The following CMC1 variants were observed in gnomAD, a reference collection of about 807,000 sequenced individuals.
The protein encoded by CMC1 is COX assembly mitochondrial protein homolog.
CMC1 carries 14 observed loss-of-function variants against 14.1 expected under a neutral mutation model. That is an observed-to-expected ratio of 0.99 (90% CI 0.66 to 1.55). CMC1 has a LOEUF of 1.55. CMC1 is among the 40% of genes most tolerant of loss of function. The pLI is 0.00. For missense variants in CMC1, 127 were observed against 123.8 expected, an observed-to-expected ratio of 1.03 and a Z score of -0.12; for synonymous variants, 50 against 38.4, an observed-to-expected ratio of 1.30 and a Z score of -1.12.
At chr3:28,311,515 A>C (rs757033366) in intron 2 of CMC1, among the ~76,000 whole-genome samples, 1 of 152,206 alleles carries the variant, frequency 6.6e-6, no homozygotes, top group African/African-American at 2.4e-5. Flanking sequence ...GTCATTAGAA[A>C]GAAGAGGACA....
chr3:28,272,524 A>G lies in CMC1; in HGVS notation c.109+9144A>G, dbSNP rs114720254. On this transcript the variant is annotated intron_variant, in intron 2 of 3. Coordinates refer to ENST00000466830, the MANE Select transcript of CMC1 (RefSeq NM_182523.2). ...TTCTGTTTACGTAATGAATTCGTTT[A>G]TTGATTTGCATGTGTTGAACCAGCC... 6.8e-3 allele frequency among the ~76,000 whole-genome samples: 1,039 copies of G among 152,184 alleles called. 12 individuals carry two copies. Among genetic ancestry groups the G allele is most frequent in the Admixed American group, 0.033 (500 of 15,290 alleles).
chr3:28,268,358 C>T (rs1217383242), intron 2 of CMC1, among the ~76,000 whole-genome samples: 2 of 152,174 alleles, frequency 1.3e-5, no homozygotes, highest in African/African-American at 4.8e-5. Flanking sequence ...CTGGTAGAGT[C>T]ACTCAGGGTG....
chr3:28,323,898 A>C lies in CMC1; in HGVS notation c.*4269A>C, dbSNP rs757880361. On this transcript the variant is annotated 3_prime_UTR_variant, in exon 4 of 4. Coordinates refer to ENST00000466830, the MANE Select transcript of CMC1 (RefSeq NM_182523.2). The stretch of plus-strand genomic sequence containing the variant: ...AACCAACTATGTTGGTTTTTGTACT[A>C]TTGTACAGTGTGTTCAAATATAGAT... 2.2e-5 allele frequency: 20 copies of C among 913,086 alleles called. No homozygotes were observed. The highest frequency in any genetic ancestry group is 3.1e-5 in the Non-Finnish European group (19 of 610,254). The allele number at this position is 913,086 out of a possible 1,614,324, so 56.6% of individuals were successfully genotyped here.
At position 28,303,749 on chromosome 3, in the gene CMC1, G is replaced by A. The variant is rs142559032; in HGVS notation, c.110-12584G>A. 7.6e-3 allele frequency among the ~76,000 whole-genome samples: 1,157 copies of A among 152,036 alleles called. 14 individuals carry two copies. Among genetic ancestry groups the A allele is most frequent in the African/African-American group, 0.026 (1,068 of 41,476 alleles). On this transcript the variant is annotated intron_variant, in intron 2 of 3. Coordinates refer to ENST00000466830, the MANE Select transcript of CMC1 (RefSeq NM_182523.2). Reference sequence around the variant, plus strand: ...AATTCACTTATTCAGCTATTTGTTCGATAAATATATATGAATATTTACAGT... The same window carrying A: ...AATTCACTTATTCAGCTATTTGTTCAATAAATATATATGAATATTTACAGT...
intron 1 of CMC1, among the ~76,000 whole-genome samples, chr3:28,256,400 C>CT (rs1024637028): frequency 6.6e-6 from 1 of 152,082 alleles, no homozygotes; most frequent in Non-Finnish European, 1.5e-5. Flanking sequence ...CTCTTAAGGC[C>CT]TTTGAACTGA....
chr3:28,275,586 G>C (rs1429930324), intron 2 of CMC1, among the ~76,000 whole-genome samples: 1 of 152,064 alleles, frequency 6.6e-6, no homozygotes, highest in Non-Finnish European at 1.5e-5. Flanking sequence ...GTCTCACCTA[G>C]TCAGGTGGCA....
chr3:28,282,188 G>A (rs553550012), intron 2 of CMC1, among the ~76,000 whole-genome samples: 1 of 152,166 alleles, frequency 6.6e-6, no homozygotes, highest in South Asian at 2.1e-4. Flanking sequence ...CAAATTACAA[G>A]TTTACTTTTT....
chr3:28,267,097 T>G (rs2125472913), intron 2 of CMC1, among the ~76,000 whole-genome samples: 1 of 152,302 alleles, frequency 6.6e-6, no homozygotes, highest in South Asian at 2.1e-4. Context: ...TTTGACAAAC[T>G]CTGGATTTCA....
At chr3:28,296,656 C>T (rs996933667) in intron 2 of CMC1, among the ~76,000 whole-genome samples, 1 of 151,848 alleles carries the variant, frequency 6.6e-6, no homozygotes, top group Non-Finnish European at 1.5e-5. Flanking sequence ...AAATGTTAAA[C>T]TAATAAAATG....
Position 28,251,906 on chromosome 3 carries a change from C to T in CMC1, c.19+10094C>T, listed in dbSNP as rs79168994. On this transcript the variant is annotated intron_variant, in intron 1 of 3. Transcript: ENST00000466830. ...TTTATTACTTTCTCAAATGTCTGCT[C>T]CTGTCCCATAACACTGCTGATTTTC... Among the ~76,000 whole-genome samples, 65 of 152,298 alleles carry T rather than the reference C, an allele frequency of 4.3e-4. 1 individual carries two copies. In the East Asian group the frequency reaches 7.7e-3, roughly 18 times the overall value.
At chr3:28,264,087 T>C (rs1260402464) in intron 2 of CMC1, among the ~76,000 whole-genome samples, 1 of 152,108 alleles carries the variant, frequency 6.6e-6, no homozygotes, top group Admixed American at 6.6e-5. Flanking sequence ...CATGGCAATA[T>C]TACTTTAGAA....
intron 2 of CMC1, among the ~76,000 whole-genome samples, chr3:28,268,079 G>C (rs1256935973): frequency 6.6e-6 from 1 of 152,086 alleles, no homozygotes; most frequent in African/African-American, 2.4e-5. Flanking sequence ...ATGAATAGCT[G>C]TTATATATGA....
At chr3:28,243,031 G>GT (rs1576955177) in intron 1 of CMC1, among the ~76,000 whole-genome samples, 1 of 151,896 alleles carries the variant, frequency 6.6e-6, no homozygotes, top group East Asian at 1.9e-4. Flanking sequence ...GAAGGTTCAA[G>GT]TTTAGGCCCA....
intron 2 of CMC1, among the ~76,000 whole-genome samples, chr3:28,275,341 C>CTTTTTTTTTTTTT (rs71087681): frequency 9.9e-6 from 1 of 101,066 alleles, no homozygotes; most frequent in Non-Finnish European, 2.0e-5. Flanking sequence ...TTTTTTTTTT[C>CTTTTTTTTTTTTT]TTTTTTTTTT....
In CMC1 at chr3:28,241,821, G is replaced by C; in HGVS notation, c.19+9G>C. Reference sequence around the variant, plus strand: ...GGCGCTCGACCCCGCAGGTACCGGGGCGGGAAGCGGGGTTTGCCGAGGGGC... The same window carrying C: ...GGCGCTCGACCCCGCAGGTACCGGGCCGGGAAGCGGGGTTTGCCGAGGGGC... On this transcript the variant is annotated intron_variant, in intron 1 of 3. Coordinates refer to ENST00000466830, the MANE Select transcript of CMC1 (RefSeq NM_182523.2). The C allele has an allele frequency of 8.1e-7, 1 of 1,238,534 alleles. No individual in the cohort carries two copies. The highest frequency in any genetic ancestry group is 4.1e-5 in the South Asian group (1 of 24,410). The allele number at this position is 1,238,534 out of a possible 1,614,324, so 76.7% of individuals were successfully genotyped here. A position where few individuals can be genotyped will look rare whatever the true frequency, so the allele number is the denominator to read the frequency against.
At chr3:28,274,793 G>A (rs1250221685) in intron 2 of CMC1, among the ~76,000 whole-genome samples, 2 of 151,722 alleles carry the variant, frequency 1.3e-5, no homozygotes, top group African/African-American at 2.4e-5. Context: ...CATAGTTCTC[G>A]GAGGTTTTGT....
intron 2 of CMC1, among the ~76,000 whole-genome samples, chr3:28,300,931 C>T (rs1224605568): frequency 1.6e-5 from 2 of 127,422 alleles, no homozygotes; most frequent in Admixed American, 1.7e-4. Flanking sequence ...CCGACGTGTA[C>T]ACATGCACAC....
intron 2 of CMC1, among the ~76,000 whole-genome samples, chr3:28,312,560 A>C (rs1702690055): frequency 6.6e-6 from 1 of 152,210 alleles, no homozygotes. Flanking sequence ...CAATTAAGGA[A>C]CCATATTATT....
intron 2 of CMC1, among the ~76,000 whole-genome samples, chr3:28,309,387 C>T (rs1702505918): frequency 6.6e-6 from 1 of 152,148 alleles, no homozygotes; most frequent in East Asian, 1.9e-4. Flanking sequence ...TTATGTAAAA[C>T]AGTGCTTTTG....
Sources: allele counts gnomAD v4.1 joint callset (sites outside exome capture counted in the v4.1 genomes callset), GRCh38; gene constraint gnomAD v4.1.1; transcripts MANE v1.5; gene names NCBI Gene and HGNC (gene_info 2026-07-23, HGNC 2026-07-21).